SERPINF1: variants seen among roughly 807,000 people sequenced by gnomAD.
SERPINF1 encodes pigment epithelium-derived factor.
Under a neutral mutation model 37.3 loss-of-function variants are expected in SERPINF1, and 29 were observed. The ratio of observed to expected loss-of-function variants is 0.78; its 90% CI spans 0.58 to 1.06. SERPINF1 has a LOEUF of 1.06. Ranked by LOEUF, SERPINF1 falls within the 50% of genes least tolerant of loss-of-function variation. SERPINF1 has a pLI of 0.00. For synonymous variants in SERPINF1, 281 were observed against 227.9 expected (o/e 1.23, Z -2.10); for missense variants, 553 against 532.2 (o/e 1.04, Z -0.38).
At chr17:1,771,609 CAA>C (rs1327400832) in intron 4 of SERPINF1, 3 of 524,642 alleles carry the variant, frequency 5.7e-6, no homozygotes, top group Non-Finnish European at 1.0e-5. Flanking sequence ...CCCGTGAGCC[CAA>C]AGAGGCTCAG....
chr17:1,773,325 C>A (rs1162423729), intron 5 of SERPINF1, among the ~76,000 whole-genome samples: 2 of 152,100 alleles, frequency 1.3e-5, no homozygotes, highest in Non-Finnish European at 2.9e-5. Context: ...CTCACTACAG[C>A]CTCCCCACCT....
intron 6 of SERPINF1, 67 bp downstream of exon 6, chr17:1,775,267 G>C: frequency 6.5e-7 from 1 of 1,528,042 alleles, no homozygotes; most frequent in Non-Finnish European, 8.9e-7. Flanking sequence ...AAACAGGGTA[G>C]TGGGAATAAA....
intron 5 of SERPINF1, among the ~76,000 whole-genome samples, chr17:1,774,357 G>A (rs1907904656): frequency 6.6e-6 from 1 of 152,080 alleles, no homozygotes; most frequent in African/African-American, 2.4e-5. Context: ...CACTGCACCC[G>A]GCTAGTTTTT....
chr17:1,773,225 C>T (rs1385847889), intron 5 of SERPINF1, among the ~76,000 whole-genome samples: 1 of 152,068 alleles, frequency 6.6e-6, no homozygotes, highest in East Asian at 1.9e-4. Flanking sequence ...TGGGGCTTTC[C>T]CAGCTTTTGA....
intron 7 of SERPINF1, 100 bp downstream of exon 7, chr17:1,776,842 T>A (rs1328289282): frequency 3.1e-5 from 35 of 1,113,852 alleles, no homozygotes; most frequent in Middle Eastern, 2.4e-4. Flanking sequence ...CTCCACAGGC[T>A]TGTAGGGGGG....
At chr17:1,776,429 G>A (rs555730399) in intron 6 of SERPINF1, 103 bp from the exon 7 acceptor site, 41 of 1,025,360 alleles carry the variant, frequency 4.0e-5, no homozygotes, top group African/African-American at 1.1e-4. Context: ...TGAAGGACGA[G>A]ACCAGGGCCC....
intron 5 of SERPINF1, among the ~76,000 whole-genome samples, chr17:1,773,119 T>A (rs1049604358): frequency 5.3e-5 from 8 of 152,158 alleles, no homozygotes; most frequent in African/African-American, 1.7e-4. Context: ...TACCTGCTTG[T>A]CATCAAATCC....
rs1688671593 is a variant in SERPINF1, at chr17:1,776,646, A to G, written c.901A>G (p.Ile301Val). Residue 301 changes from isoleucine to valine, a missense_variant, in exon 7 of 8, where the codon ATA (isoleucine) becomes GTA (valine). Physicochemically the swap from Ile to Val is conservative, Grantham distance 29. Coordinates refer to ENST00000254722, the MANE Select transcript of SERPINF1 (RefSeq NM_002615.7). The part of the protein sequence containing the change: ...ESLTSEFIHD[I>V]DRELKTVQAV... ...CCTCACCTCCGAGTTCATTCATGACATAGACCGAGAACTGAAGACCGTGCA... is the reference window on the plus strand; with the variant it reads ...CCTCACCTCCGAGTTCATTCATGACGTAGACCGAGAACTGAAGACCGTGCA... 3 of 1,613,908 alleles carry G rather than the reference A, an allele frequency of 1.9e-6. No homozygotes were observed. Among genetic ancestry groups the G allele is most frequent in the African/African-American group, 2.7e-5 (2 of 74,862 alleles).
Position 1,777,386 on chromosome 17 carries a change from G to T in SERPINF1, c.1197G>T (p.Arg399Ser). 1 of 1,614,064 alleles carries T rather than the reference G, an allele frequency of 6.2e-7. No individual in the cohort carries two copies. Among genetic ancestry groups the T allele is most frequent in the Non-Finnish European group, 8.5e-7 (1 of 1,180,016 alleles). ...ACCAGCCTTTCATCTTCGTACTGAG[G>T]GACACAGACACAGGGGCCCTTCTCT... ...HLNQPFIFVL[R>S]DTDTGALLFI... is the part of the protein sequence containing the mutation. The change falls in exon 8 of 8, where the codon AGG becomes AGT. Residue 399 changes from arginine (R) to serine (S), a missense_variant. Arg to Ser is a moderately radical substitution (Grantham distance 110, BLOSUM62 -1). Transcript: ENST00000254722.
At position 1,771,317 on chromosome 17, in the gene SERPINF1, C is replaced by T. The variant is rs372503345; in HGVS notation, c.439+133C>T. ...AGGCTGGAGTGCAGTGGCGTGATCTCGGCTCACTGCAACCTCCACCTCCCG... is the reference window on the plus strand; with the variant it reads ...AGGCTGGAGTGCAGTGGCGTGATCTTGGCTCACTGCAACCTCCACCTCCCG... On this transcript the variant is annotated intron_variant, in intron 4 of 7. Coordinates refer to ENST00000254722, the MANE Select transcript of SERPINF1 (RefSeq NM_002615.7). 1.4e-4 allele frequency: 124 copies of T among 885,780 alleles called. 2 individuals carry two copies. Among genetic ancestry groups the T allele is most frequent in the East Asian group, 1.3e-3 (45 of 35,072 alleles). The allele number at this position is 885,780 out of a possible 1,614,324, so 54.9% of individuals were successfully genotyped here.
At chr17:1,772,216 A>C in intron 5 of SERPINF1, 141 bp downstream of exon 5, 1 of 879,860 alleles carries the variant, frequency 1.1e-6, no homozygotes, top group South Asian at 1.5e-5. Flanking sequence ...TCCCAGGTTC[A>C]AGCAATTCTT....
intron 2 of SERPINF1, chr17:1,769,605 C>T: frequency 1.8e-6 from 1 of 550,916 alleles, no homozygotes; most frequent in South Asian, 2.0e-5. Context: ...GCCTGGGTGA[C>T]ACAGTAAGAC....
chr17:1,777,117 C>T (rs186185562), intron 7 of SERPINF1, 70 bp from the exon 8 acceptor site: 36 of 1,611,872 alleles, frequency 2.2e-5, no homozygotes, highest in Non-Finnish European at 3.0e-5. Context: ...AGCTTGCTTG[C>T]AAAGGGATCC....
chr17:1,771,158 G>C lies in SERPINF1; in HGVS notation c.413G>C (p.Ser138Thr). ...TVTAPQKNLK[S>T]ASRIVFEKKL... ...ACTGCCCCCCAGAAGAACCTCAAGA[G>C]TGCCTCCCGGATCGTCTTTGAGAAG... Residue 138 changes from serine (S) to threonine (T), a missense_variant, in exon 4 of 8, where the codon AGT becomes ACT. By Grantham distance (58) the Ser-to-Thr change is moderately conservative (BLOSUM62 1). Transcript: ENST00000254722. 6.2e-7 allele frequency: 1 copy of C among 1,613,964 alleles called. No individual in the cohort carries two copies. The highest frequency in any genetic ancestry group is 8.5e-7 in the Non-Finnish European group (1 of 1,179,968).
intron 1 of SERPINF1, among the ~76,000 whole-genome samples, chr17:1,763,750 G>C (rs1057498610): frequency 6.6e-6 from 1 of 152,166 alleles, no homozygotes; most frequent in Non-Finnish European, 1.5e-5. Flanking sequence ...TCCCTGCCAG[G>C]CTCCCTCACC....
rs1207478872 is a variant in SERPINF1, at chr17:1,766,973, C to T, written c.63C>T (p.Asn21=). The part of the protein sequence containing the change: ...GALLGHSSCQ[N]PASPPEEGSP... ...TCCTCGGGCACAGCAGCTGCCAGAA[C>T]CCTGCCAGCCCCCCGGAGGAGGTCA... The change falls in exon 2 of 8, where the codon AAC becomes AAT. Residue 21 remains asparagine (N), a synonymous_variant. Transcript: ENST00000254722. 4.5e-6 allele frequency: 7 copies of T among 1,557,712 alleles called. No homozygotes were observed. Among genetic ancestry groups the T allele is most frequent in the East Asian group, 2.4e-5 (1 of 41,690 alleles).
chr17:1,775,245 G>A, intron 6 of SERPINF1, 45 bp downstream of exon 6: 1 of 1,591,120 alleles, frequency 6.3e-7, no homozygotes, highest in Non-Finnish European at 8.6e-7. Flanking sequence ...GGAGGGAGAG[G>A]ATAGAGAAGC....
intron 2 of SERPINF1, among the ~76,000 whole-genome samples, chr17:1,768,891 T>G (rs1340195504): frequency 6.6e-6 from 1 of 151,626 alleles, no homozygotes; most frequent in Non-Finnish European, 1.5e-5. Flanking sequence ...TTGCAACCTC[T>G]GCCTCCTGGG....
chr17:1,775,023 C>T (rs541731927), intron 5 of SERPINF1, 35 bp from the exon 6 acceptor site: 1 of 1,614,028 alleles, frequency 6.2e-7, no homozygotes, highest in Non-Finnish European at 8.5e-7. Context: ...TTCTGGTCTC[C>T]TGGGGCTCAG....
Sources: gnomAD v4.1 joint callset for allele counts (sites outside exome capture counted in the v4.1 genomes callset) on GRCh38, gnomAD v4.1.1 for gene constraint, MANE v1.5 for transcripts, NCBI Gene and HGNC (gene_info 2026-07-23, HGNC 2026-07-21) for gene names.